Variants in KCNK10 observed in about 807,000 individuals in gnomAD.
KCNK10 encodes potassium channel subfamily K member 10.
A neutral mutation model predicts 47.7 loss-of-function variants in KCNK10; 25 were observed. The ratio of observed to expected loss-of-function variants is 0.52; its 90% CI spans 0.38 to 0.73. The LOEUF (loss-of-function observed/expected upper bound fraction) is 0.73, where lower values mean the gene tolerates loss of function less well. Ranked by LOEUF, KCNK10 falls within the 30% of genes least tolerant of loss-of-function variation. The pLI is 0.00. For synonymous variants in KCNK10, 303 were observed against 285.6 expected (o/e 1.06, Z -0.61); for missense variants, 563 against 714.5 (o/e 0.79, Z 2.42).
intron 1 of KCNK10, among the ~76,000 whole-genome samples, chr14:88,265,476 C>T (rs535147636): frequency 1.4e-4 from 22 of 152,292 alleles, no homozygotes; most frequent in African/African-American, 5.1e-4. Context: ...GGAACCTGTA[C>T]TGCTTACTCT....
At chr14:88,259,662 G>T (rs932524125) in intron 2 of KCNK10, among the ~76,000 whole-genome samples, 1 of 152,124 alleles carries the variant, frequency 6.6e-6, no homozygotes, top group African/African-American at 2.4e-5. Flanking sequence ...TTGCCATGTT[G>T]TCCAGACTGG....
rs193121889 is a variant in KCNK10, at chr14:88,202,328, T to G, written c.682-9918A>C. Among the ~76,000 whole-genome samples the G allele has an allele frequency of 3.4e-3, 512 of 152,310 alleles. 11 individuals carry two copies. Among genetic ancestry groups the G allele is most frequent in the Admixed American group, 0.032 (482 of 15,296 alleles). ...GTCCACGTCAGAGGATCCTTGTCAT[T>G]CTTTTTGCCCACCAATAATTTGAAC... is the stretch of plus-strand genomic sequence containing the variant. On this transcript the variant is annotated intron_variant, in intron 4 of 6. Coordinates refer to ENST00000319231, the MANE Select transcript of KCNK10 (RefSeq NM_138317.3).
intron 4 of KCNK10, among the ~76,000 whole-genome samples, chr14:88,219,511 T>C (rs558235292): frequency 6.6e-6 from 1 of 152,292 alleles, no homozygotes; most frequent in East Asian, 1.9e-4. Context: ...CTAGCTTATC[T>C]TGATTGATTC....
chr14:88,218,757 G>A (rs1885704525), intron 4 of KCNK10, among the ~76,000 whole-genome samples: 1 of 152,010 alleles, frequency 6.6e-6, no homozygotes, highest in Non-Finnish European at 1.5e-5. Flanking sequence ...TAATCAGCCT[G>A]GCCCAGCAAG....
intron 1 of KCNK10, among the ~76,000 whole-genome samples, chr14:88,297,088 C>T (rs1323085708): frequency 6.6e-6 from 1 of 152,140 alleles, no homozygotes; most frequent in Non-Finnish European, 1.5e-5. Flanking sequence ...CAAAATATGG[C>T]TCTTGTTCCA....
chr14:88,245,665 C>T (rs1886616286), intron 2 of KCNK10, among the ~76,000 whole-genome samples: 1 of 152,132 alleles, frequency 6.6e-6, no homozygotes, highest in Non-Finnish European at 1.5e-5. Context: ...TCTCTGTTTC[C>T]TTATGTGCCA....
rs200867258 is a variant in KCNK10 at position 88,214,227 on chromosome 14, C to T, written c.681+13148G>A. Among the ~76,000 whole-genome samples the T allele has an allele frequency of 3.3e-4, 50 of 152,254 alleles. No individual in the cohort carries two copies. In the East Asian group the frequency reaches 5.2e-3, roughly 16 times the overall value. ...GTGCTGGGATTACAGGCTTGAGTCA[C>T]CACACCAAGCCACTCTATGCTCTTA... is the stretch of plus-strand genomic sequence containing the variant. On this transcript the variant is annotated intron_variant, in intron 4 of 6. Transcript: ENST00000319231.
At chr14:88,299,328 T>C (rs1888049449) in intron 1 of KCNK10, among the ~76,000 whole-genome samples, 1 of 152,234 alleles carries the variant, frequency 6.6e-6, no homozygotes, top group Non-Finnish European at 1.5e-5. Context: ...AAAGCTGCTT[T>C]ACATGGCAGA....
intron 1 of KCNK10, among the ~76,000 whole-genome samples, chr14:88,278,313 C>A (rs539501260): frequency 6.8e-4 from 104 of 152,202 alleles, no homozygotes; most frequent in Non-Finnish European, 1.3e-3. Flanking sequence ...AGAAGTGTCC[C>A]TTCTCCTAGA....
intron 4 of KCNK10, among the ~76,000 whole-genome samples, chr14:88,205,752 C>CA (rs1438621565): frequency 6.6e-6 from 1 of 151,960 alleles, no homozygotes; most frequent in Non-Finnish European, 1.5e-5. Context: ...CTATGTTGGC[C>CA]AGGATGGTCT....
At chr14:88,203,503 T>C (rs1885169055) in intron 4 of KCNK10, among the ~76,000 whole-genome samples, 1 of 152,252 alleles carries the variant, frequency 6.6e-6, no homozygotes, top group African/African-American at 2.4e-5. Flanking sequence ...CCTGGAATTC[T>C]GGGCTCCAAG....
At chr14:88,314,349 C>G (rs1271229218) in intron 1 of KCNK10, among the ~76,000 whole-genome samples, 1 of 152,192 alleles carries the variant, frequency 6.6e-6, no homozygotes, top group Non-Finnish European at 1.5e-5. Flanking sequence ...AAAGTGGGCC[C>G]TCACCAGATG....
chr14:88,238,031 C>T (rs541488112), intron 3 of KCNK10, among the ~76,000 whole-genome samples: 2 of 152,338 alleles, frequency 1.3e-5, no homozygotes, highest in South Asian at 4.1e-4. Context: ...AGTGTAGCCA[C>T]TTTCTTAGCT....
rs2139816706 is a variant in KCNK10 at position 88,183,816 on chromosome 14, T to A, written c.*1719A>T. On this transcript the variant is annotated 3_prime_UTR_variant, in exon 7 of 7. Transcript: ENST00000319231. The stretch of plus-strand genomic sequence containing the variant: ...CTTCCATGGTACCAGTGGTTGAGGA[T>A]GTCGTGGGTACAACTTTCCCTGGAG... The A allele has an allele frequency of 1.3e-5, 2 of 152,488 alleles. No homozygotes were observed. Among genetic ancestry groups the A allele is most frequent in the South Asian group, 4.1e-4 (2 of 4,830 alleles). The allele number at this position is 152,488 out of a possible 1,614,324, so 9.4% of individuals were successfully genotyped here. A position where few individuals can be genotyped will look rare whatever the true frequency, so the allele number is the denominator to read the frequency against.
chr14:88,311,959 G>A (rs886339007), intron 1 of KCNK10, among the ~76,000 whole-genome samples: 1 of 152,090 alleles, frequency 6.6e-6, no homozygotes, highest in African/African-American at 2.4e-5. Flanking sequence ...TGGTTACTAT[G>A]GTTACAGATG....
At chr14:88,300,948 T>C (rs1888079306) in intron 1 of KCNK10, among the ~76,000 whole-genome samples, 1 of 152,224 alleles carries the variant, frequency 6.6e-6, no homozygotes, top group African/African-American at 2.4e-5. Context: ...TGAGCAAATA[T>C]AGACCAGTGG....
At chr14:88,277,052 T>G (rs1324025570) in intron 1 of KCNK10, among the ~76,000 whole-genome samples, 1 of 152,212 alleles carries the variant, frequency 6.6e-6, no homozygotes, top group East Asian at 1.9e-4. Context: ...GAATGAGGTG[T>G]GCCCTCACTG....
At chr14:88,316,833 A>G (rs1047308243) in intron 1 of KCNK10, among the ~76,000 whole-genome samples, 1 of 152,250 alleles carries the variant, frequency 6.6e-6, no homozygotes, top group African/African-American at 2.4e-5. Flanking sequence ...GGAAATCACT[A>G]GCTCACTGTG....
rs372506756 is a variant in KCNK10 at position 88,182,036 on chromosome 14, G to GCACACACACA, written c.*3489_*3498dup. On this transcript the variant is annotated 3_prime_UTR_variant, in exon 7 of 7. Coordinates refer to ENST00000319231, the MANE Select transcript of KCNK10 (RefSeq NM_138317.3). ...AGATGGCCCAACACCACCCCAACCC[G>GCACACACACA]CACACACACACACACACACACACAC... 7.3e-6 allele frequency: 1 copy of GCACACACACA among 137,058 alleles called. No homozygotes were observed. Among genetic ancestry groups the GCACACACACA allele is most frequent in the African/African-American group, 2.7e-5 (1 of 36,728 alleles). The allele number at this position is 137,058 out of a possible 1,614,324, so 8.5% of individuals were successfully genotyped here.
Sources: gnomAD v4.1 joint callset for allele counts (sites outside exome capture counted in the v4.1 genomes callset) on GRCh38, gnomAD v4.1.1 for gene constraint, MANE v1.5 for transcripts, NCBI Gene and HGNC (gene_info 2026-07-23, HGNC 2026-07-21) for gene names.